Variants in RIT2 observed in about 807,000 individuals in gnomAD.
The protein encoded by RIT2 is Ras like without CAAX 2, also known as GTP-binding protein Rit2.
In RIT2, 24 loss-of-function variants were observed where a neutral mutation model predicts 23.7. That is an observed-to-expected ratio of 1.01 (90% confidence interval 0.73 to 1.43). The LOEUF is 1.43. Among genes scored for constraint, RIT2 ranks in the 40% most tolerant of loss-of-function variants. RIT2 has a pLI of 0.00. For synonymous variants in RIT2, 107 were observed against 91.1 expected (o/e 1.17, Z -0.99); for missense variants, 236 against 266.9 (o/e 0.88, Z 0.81).
Position 42,743,472 on chromosome 18 carries a change from A to C in RIT2, c.*21T>G. On this transcript the variant is annotated 3_prime_UTR_variant, in exon 5 of 5. Transcript: ENST00000326695. ...CAACTAATAAAATTCAGAGAGCGTG[A>C]GGAACTCAAAAGCAAAGATATCATG... 1 of 1,536,264 alleles carries C rather than the reference A, an allele frequency of 6.5e-7. No individual in the cohort carries two copies. The highest frequency in any genetic ancestry group is 9.0e-7 in the Non-Finnish European group (1 of 1,110,762).
chr18:42,895,932 GA>G (rs1412163331), intron 4 of RIT2, among the ~76,000 whole-genome samples: 1 of 152,184 alleles, frequency 6.6e-6, no homozygotes, highest in Non-Finnish European at 1.5e-5. Flanking sequence ...GAAGATGGGG[GA>G]TGTGGCAGGT....
intron 4 of RIT2, among the ~76,000 whole-genome samples, chr18:42,840,281 C>G (rs79932569): frequency 0.051 from 7,823 of 152,258 alleles, 271 homozygotes; most frequent in Middle Eastern, 0.082. Context: ...TTTATTCCCA[C>G]AGGCCATACA....
At chr18:43,095,011 G>T (rs1255538513) in intron 1 of RIT2, among the ~76,000 whole-genome samples, 4 of 151,962 alleles carry the variant, frequency 2.6e-5, no homozygotes, top group Admixed American at 1.3e-4. Flanking sequence ...GAATTGTGCT[G>T]CAATAAACAT....
intron 1 of RIT2, among the ~76,000 whole-genome samples, chr18:43,037,194 T>C (rs1052518566): frequency 2.0e-5 from 3 of 152,144 alleles, no homozygotes; most frequent in African/African-American, 4.8e-5. Flanking sequence ...TATTGAGAAA[T>C]AGGTAACGAT....
At chr18:42,937,491 C>T (rs934074754) in intron 3 of RIT2, among the ~76,000 whole-genome samples, 5 of 152,088 alleles carry the variant, frequency 3.3e-5, no homozygotes, top group African/African-American at 1.2e-4. Flanking sequence ...ATAGTAAAAG[C>T]TTGACTGTGC....
At chr18:42,918,712 C>A (rs530279822) in intron 4 of RIT2, among the ~76,000 whole-genome samples, 2 of 152,074 alleles carry the variant, frequency 1.3e-5, no homozygotes, top group African/African-American at 4.8e-5. Flanking sequence ...TGAAATTATG[C>A]TTAGGACGCT....
intron 1 of RIT2, among the ~76,000 whole-genome samples, chr18:43,103,986 A>C (rs536410637): frequency 5.9e-5 from 9 of 152,314 alleles, no homozygotes; most frequent in Admixed American, 3.3e-4. Flanking sequence ...CTACACCCCC[A>C]AGTTTATTGC....
chr18:42,845,030 A>G (rs373309910), intron 4 of RIT2, among the ~76,000 whole-genome samples: 260 of 152,318 alleles, frequency 1.7e-3, no homozygotes, highest in African/African-American at 5.7e-3. Flanking sequence ...AAAATCTAAG[A>G]ATGAGGGCAA....
chr18:42,871,914 A>C (rs1196028139), intron 4 of RIT2, among the ~76,000 whole-genome samples: 1 of 152,240 alleles, frequency 6.6e-6, no homozygotes, highest in Non-Finnish European at 1.5e-5. Flanking sequence ...GAGTGTGTAC[A>C]AATGCCCTGG....
chr18:42,833,739 A>T (rs16977035), intron 4 of RIT2, among the ~76,000 whole-genome samples: 2,464 of 152,238 alleles, frequency 0.016, 75 homozygotes, highest in African/African-American at 0.057. Flanking sequence ...TGTTGATTCA[A>T]ATCAAATTGG....
intron 4 of RIT2, among the ~76,000 whole-genome samples, chr18:42,843,609 G>T (rs573749850): frequency 6.6e-6 from 1 of 152,156 alleles, no homozygotes; most frequent in Non-Finnish European, 1.5e-5. Flanking sequence ...GCATAAGTCT[G>T]TTCATTTATC....
intron 4 of RIT2, among the ~76,000 whole-genome samples, chr18:42,845,230 G>A (rs1426836145): frequency 6.6e-6 from 1 of 151,916 alleles, no homozygotes; most frequent in Non-Finnish European, 1.5e-5. Flanking sequence ...AACAAATGAG[G>A]AAACTCAATG....
rs1278881936 is a variant in RIT2 at position 42,937,683 on chromosome 18, T to G, written c.235-13920A>C. Among the ~76,000 whole-genome samples the G allele has an allele frequency of 9.9e-5, 15 of 152,138 alleles. 1 individual carries two copies. Among genetic ancestry groups the G allele is most frequent in the Non-Finnish European group, 2.2e-4 (15 of 68,030 alleles). ...TGTCTCAGGGCTGGATCTCATTTGC[T>G]CAAATTTAGATTGACGGGAAAAGAT... is the stretch of plus-strand genomic sequence containing the variant. On this transcript the variant is annotated intron_variant, in intron 3 of 4. Coordinates refer to ENST00000326695, the MANE Select transcript of RIT2 (RefSeq NM_002930.4).
At chr18:42,778,679 G>A (rs1913736852) in intron 4 of RIT2, among the ~76,000 whole-genome samples, 1 of 89,840 alleles carries the variant, frequency 1.1e-5, no homozygotes, top group African/African-American at 2.8e-5. Context: ...ACCACATGAT[G>A]CCTGTATCCT....
chr18:43,053,126 G>T (rs940314052), intron 1 of RIT2, among the ~76,000 whole-genome samples: 2 of 152,016 alleles, frequency 1.3e-5, no homozygotes, highest in Admixed American at 6.6e-5. Context: ...AGGGTACCAG[G>T]ATTTAAATTG....
chr18:43,040,939 G>T (rs1238476865), intron 1 of RIT2, among the ~76,000 whole-genome samples: 2 of 151,984 alleles, frequency 1.3e-5, no homozygotes, highest in African/African-American at 4.8e-5. Context: ...AATTTTTGAT[G>T]AATATTAACA....
chr18:42,899,929 T>A (rs1171343941), intron 4 of RIT2, among the ~76,000 whole-genome samples: 1 of 152,142 alleles, frequency 6.6e-6, no homozygotes, highest in Admixed American at 6.6e-5. Flanking sequence ...AACATTGTAT[T>A]ACATATACAA....
chr18:43,035,508 T>C (rs1283424462), intron 1 of RIT2, among the ~76,000 whole-genome samples: 1 of 152,156 alleles, frequency 6.6e-6, no homozygotes, highest in Non-Finnish European at 1.5e-5. Flanking sequence ...CTCTGAACCC[T>C]CTTCTCACCT....
At chr18:42,830,726 T>C (rs539125241) in intron 4 of RIT2, among the ~76,000 whole-genome samples, 5 of 152,172 alleles carry the variant, frequency 3.3e-5, no homozygotes, top group Admixed American at 6.6e-5. Context: ...CTTGTAAATA[T>C]AAAAACAATA....
Sources: allele counts gnomAD v4.1 joint callset (sites outside exome capture counted in the v4.1 genomes callset), GRCh38; gene constraint gnomAD v4.1.1; transcripts MANE v1.5; gene names NCBI Gene and HGNC (gene_info 2026-07-23, HGNC 2026-07-21).